The following NWD1 variants were observed in gnomAD, a reference collection of about 807,000 sequenced individuals.
The protein encoded by NWD1 is NACHT domain- and WD repeat-containing protein 1.
NWD1 carries 129 observed loss-of-function variants against 135.1 expected under a neutral mutation model. That is an observed-to-expected ratio of 0.96 (90% confidence interval 0.83 to 1.11). NWD1 has a LOEUF of 1.11. Ranked by LOEUF, NWD1 falls within the 50% of genes least tolerant of loss-of-function variation. NWD1 has a pLI of 0.00. For synonymous variants in NWD1, 773 were observed against 786.0 expected (o/e 0.98, Z 0.28); for missense variants, 1,740 against 1,851.3 (o/e 0.94, Z 1.10).
At position 16,750,259 on chromosome 19, in the gene NWD1, G is replaced by A. The variant is rs367553720; in HGVS notation, c.1617G>A (p.Ala539=). 55 of 1,613,480 alleles carry A rather than the reference G, an allele frequency of 3.4e-5. No homozygotes were observed. The highest frequency in any genetic ancestry group is 1.6e-4 in the Middle Eastern group (1 of 6,082). The change falls in exon 6 of 19, where the codon GCG becomes GCA. Residue 539 remains alanine, a synonymous_variant. Coordinates refer to ENST00000524140, the MANE Select transcript of NWD1 (RefSeq NM_001007525.5). ...ECGNPGRLRL[A]FEEARKWASF... Reference sequence around the variant, plus strand: ...GGAACCCAGGGCGGCTGAGGCTGGCGTTTGAGGAAGCCCGGAAATGGGCCT... The same window carrying A: ...GGAACCCAGGGCGGCTGAGGCTGGCATTTGAGGAAGCCCGGAAATGGGCCT...
rs1247814616 is a variant in NWD1 at position 16,807,672 on chromosome 19, G to A, written c.3823G>A (p.Val1275Met). The A allele has an allele frequency of 2.5e-6, 4 of 1,608,418 alleles. No homozygotes were observed. Among genetic ancestry groups the A allele is most frequent in the Non-Finnish European group, 3.4e-6 (4 of 1,177,050 alleles). ...EQRKLLFTGL[V>M]SGVVLVFPLN... ...GCGCAAGCTCCTATTTACGGGCCTCGTGTCGGGGGTCGTCCTTGTGTTCCC... is the reference window on the plus strand; with the variant it reads ...GCGCAAGCTCCTATTTACGGGCCTCATGTCGGGGGTCGTCCTTGTGTTCCC... The change falls in exon 18 of 19, where the codon GTG becomes ATG. Residue 1275 changes from valine (V) to methionine (M), a missense_variant. By Grantham distance (21) the Val-to-Met change is conservative (BLOSUM62 1). Transcript: ENST00000524140.
chr19:16,794,435 C>T (rs1468746319), intron 14 of NWD1, 28 bp from the exon 15 acceptor site: 1 of 1,373,672 alleles, frequency 7.3e-7, no homozygotes, highest in South Asian at 1.2e-5. Flanking sequence ...CGTGGAAGTG[C>T]CTGACAGGCA....
chr19:16,740,642 A>ATTT lies in NWD1; in HGVS notation c.199-3759_199-3757dup, dbSNP rs1162769783. On this transcript the variant is annotated intron_variant, in intron 4 of 18. Transcript: ENST00000524140. Reference sequence around the variant, plus strand: ...CGTGAGCCACTGCGCCCAGACTTCTATTTTTTTTTTTTTTTTTTTTTTGAG... The same window carrying ATTT: ...CGTGAGCCACTGCGCCCAGACTTCTATTTTTTTTTTTTTTTTTTTTTTTTTGAG... Among the ~76,000 whole-genome samples the ATTT allele has an allele frequency of 1.9e-3, 211 of 112,930 alleles. 1 individual carries two copies. The highest frequency in any genetic ancestry group is 6.6e-3 in the African/African-American group (192 of 28,900). The allele number at this position is 112,930 out of a possible 152,430, so 74.1% of individuals were successfully genotyped here.
chr19:16,743,982 C>T (rs771854281), intron 4 of NWD1, among the ~76,000 whole-genome samples: 11 of 151,990 alleles, frequency 7.2e-5, no homozygotes, highest in African/African-American at 1.2e-4. Flanking sequence ...CGCGCCTGGC[C>T]GATATACATT....
intron 3 of NWD1, among the ~76,000 whole-genome samples, chr19:16,735,195 T>C (rs762876450): frequency 6.6e-6 from 1 of 152,144 alleles, no homozygotes; most frequent in Non-Finnish European, 1.5e-5. Flanking sequence ...ACCAACTATG[T>C]TGTTACAACT....
intron 12 of NWD1, among the ~76,000 whole-genome samples, chr19:16,780,017 T>A (rs759376632): frequency 7.9e-5 from 12 of 152,138 alleles, no homozygotes; most frequent in Non-Finnish European, 1.6e-4. Flanking sequence ...GGCTTGCTCA[T>A]GTATCTGCAG....
chr19:16,789,245 A>G, intron 13 of NWD1, 55 bp downstream of exon 13: 1 of 1,412,852 alleles, frequency 7.1e-7, no homozygotes, highest in Non-Finnish European at 9.9e-7. Flanking sequence ...GCATTCAAAG[A>G]CAGAATAGGC....
intron 12 of NWD1, among the ~76,000 whole-genome samples, chr19:16,788,256 TA>T (rs1291229379): frequency 9.3e-5 from 13 of 140,194 alleles, no homozygotes; most frequent in African/African-American, 3.2e-4. Context: ...ATAATAATAA[TA>T]ATAATAATAA....
At chr19:16,782,861 C>T (rs1969901575) in intron 12 of NWD1, among the ~76,000 whole-genome samples, 1 of 148,012 alleles carries the variant, frequency 6.8e-6, no homozygotes, top group East Asian at 2.0e-4. Flanking sequence ...CTTCCTTTTC[C>T]TTCTTTCTTT....
intron 10 of NWD1, among the ~76,000 whole-genome samples, chr19:16,769,945 C>T (rs1329609177): frequency 3.3e-5 from 5 of 152,184 alleles, no homozygotes; most frequent in African/African-American, 9.7e-5. Context: ...TCCAGTGGTC[C>T]TCTCACCTCA....
chr19:16,721,193 G>A (rs1038461413), intron 1 of NWD1, among the ~76,000 whole-genome samples: 1 of 151,932 alleles, frequency 6.6e-6, no homozygotes, highest in Non-Finnish European at 1.5e-5. Context: ...GTGGTGGTGG[G>A]GGTGTGCTGT....
At chr19:16,746,235 C>G (rs1968309124) in intron 5 of NWD1, among the ~76,000 whole-genome samples, 1 of 151,950 alleles carries the variant, frequency 6.6e-6, no homozygotes, top group South Asian at 2.1e-4. Flanking sequence ...TGGTGCACAC[C>G]TGTAGTCTCA....
intron 6 of NWD1, among the ~76,000 whole-genome samples, chr19:16,750,841 G>T (rs1463864673): frequency 3.3e-5 from 5 of 152,092 alleles, no homozygotes; most frequent in Non-Finnish European, 7.4e-5. Flanking sequence ...TACCTCAAAA[G>T]CTGGGAAAAT....
At chr19:16,796,588 T>C (rs8113759) in intron 15 of NWD1, among the ~76,000 whole-genome samples, 12,506 of 152,206 alleles carry the variant, frequency 0.082, 999 homozygotes, top group African/African-American at 0.21. Context: ...TGCCTAGGCA[T>C]TTGCCTGCCT....
intron 17 of NWD1, among the ~76,000 whole-genome samples, chr19:16,804,246 G>A (rs1970687029): frequency 1.3e-5 from 2 of 152,088 alleles, no homozygotes; most frequent in South Asian, 2.1e-4. Context: ...GTCAATTCCG[G>A]CCACTATAAC....
chr19:16,768,774 G>T (rs1215797253), intron 10 of NWD1, among the ~76,000 whole-genome samples: 1 of 152,184 alleles, frequency 6.6e-6, no homozygotes, highest in Non-Finnish European at 1.5e-5. Flanking sequence ...TATTCAAGAT[G>T]CTTAAGTCTC....
intron 11 of NWD1, among the ~76,000 whole-genome samples, chr19:16,776,579 A>AG (rs1969607635): frequency 6.6e-6 from 1 of 150,782 alleles, no homozygotes; most frequent in African/African-American, 2.4e-5. Context: ...CAAAAAAAAA[A>AG]AAAATGAAAA....
intron 4 of NWD1, among the ~76,000 whole-genome samples, chr19:16,737,693 G>T (rs775991595): frequency 5.3e-5 from 8 of 151,860 alleles, no homozygotes; most frequent in Non-Finnish European, 1.0e-4. Flanking sequence ...AGAGCAGGGG[G>T]CCGGGCGTGG....
At chr19:16,800,718 T>G (rs186390762) in intron 17 of NWD1, among the ~76,000 whole-genome samples, 1 of 151,944 alleles carries the variant, frequency 6.6e-6, no homozygotes, top group East Asian at 1.9e-4. Context: ...GAGAGAGAAA[T>G]CTCTTGTGTC....
Sources: gnomAD v4.1 joint callset for allele counts (sites outside exome capture counted in the v4.1 genomes callset) on GRCh38, gnomAD v4.1.1 for gene constraint, MANE v1.5 for transcripts, NCBI Gene and HGNC (gene_info 2026-07-23, HGNC 2026-07-21) for gene names.